STAG1: variants seen among roughly 807,000 people sequenced by gnomAD.
STAG1 encodes the protein cohesin subunit SA-1.
Under a neutral mutation model 170.9 loss-of-function variants are expected in STAG1, and 26 were observed. The ratio of observed to expected loss-of-function variants is 0.15; its 90% CI spans 0.11 to 0.21. STAG1 has a LOEUF of 0.21. STAG1 is among the 10% of genes least tolerant of loss of function. The pLI, the probability that STAG1 is intolerant of heterozygous loss-of-function variation, is 1.00. For synonymous variants in STAG1, 514 were observed against 497.7 expected, an observed-to-expected ratio of 1.03 and a Z score of -0.44; for missense variants, 964 against 1,509.5, an observed-to-expected ratio of 0.64 and a Z score of 5.99.
chr3:136,545,961 C>A (rs890186778), intron 5 of STAG1, among the ~76,000 whole-genome samples: 2 of 152,110 alleles, frequency 1.3e-5, no homozygotes, highest in Non-Finnish European at 2.9e-5. Flanking sequence ...CGTATTGGCA[C>A]ATAACATGTG....
intron 14 of STAG1, among the ~76,000 whole-genome samples, chr3:136,446,899 C>A (rs963463588): frequency 6.6e-6 from 1 of 151,844 alleles, no homozygotes; most frequent in Non-Finnish European, 1.5e-5. Context: ...CTCCTGCGTT[C>A]AAGCAATTCT....
At chr3:136,525,711 C>T (rs564046031) in intron 6 of STAG1, among the ~76,000 whole-genome samples, 241 of 152,220 alleles carry the variant, frequency 1.6e-3, no homozygotes, top group African/African-American at 5.6e-3. Flanking sequence ...TAGATCTTTC[C>T]TGCTTTCTCT....
rs183832581 is a variant in STAG1, at chr3:136,648,529, C to A, written c.-83-17548G>T. On this transcript the variant is annotated intron_variant, in intron 1 of 33. Coordinates refer to ENST00000383202, the MANE Select transcript of STAG1 (RefSeq NM_005862.3). ...TCAGGACATCCCACAAATTGAGCTT[C>A]TTTTCTAACAATCCTCTACCCTCTC... Among the ~76,000 whole-genome samples the A allele has an allele frequency of 4.6e-5, 7 of 152,330 alleles. No homozygotes were observed. In the East Asian group the frequency reaches 1.3e-3, roughly 29 times the overall value.
At chr3:136,459,232 AAAAAGAAAAG>A (rs1164361119) in intron 13 of STAG1, among the ~76,000 whole-genome samples, 9 of 151,834 alleles carry the variant, frequency 5.9e-5, no homozygotes, top group Non-Finnish European at 1.2e-4. Flanking sequence ...AAAAAAAAAA[AAAAAGAAAAG>A]AAAAGAAAAG....
At chr3:136,573,539 A>G (rs1937344098) in intron 4 of STAG1, among the ~76,000 whole-genome samples, 1 of 152,196 alleles carries the variant, frequency 6.6e-6, no homozygotes, top group Non-Finnish European at 1.5e-5. Context: ...GAAAGATGAA[A>G]AAGTCCATTC....
chr3:136,466,203 C>T (rs2089454140), intron 12 of STAG1, among the ~76,000 whole-genome samples: 1 of 152,150 alleles, frequency 6.6e-6, no homozygotes, highest in Admixed American at 6.6e-5. Context: ...TCAAACTTCT[C>T]TCAGCTAAAG....
intron 1 of STAG1, among the ~76,000 whole-genome samples, chr3:136,698,942 C>T (rs1160279970): frequency 1.3e-5 from 2 of 152,100 alleles, no homozygotes; most frequent in East Asian, 3.9e-4. Context: ...GGCCATTGTT[C>T]TAAGTGAAGT....
chr3:136,741,801 A>G (rs1409478070), intron 1 of STAG1, among the ~76,000 whole-genome samples: 1 of 152,144 alleles, frequency 6.6e-6, no homozygotes, highest in African/African-American at 2.4e-5. Context: ...TCGACTATAT[A>G]CTACCATCAA....
At chr3:136,721,042 A>T (rs1176645090) in intron 1 of STAG1, among the ~76,000 whole-genome samples, 2 of 152,222 alleles carry the variant, frequency 1.3e-5, no homozygotes, top group South Asian at 4.1e-4. Flanking sequence ...AATCCAAGTC[A>T]TTCTCCGAAT....
chr3:136,426,953 G>A (rs538534359), intron 16 of STAG1, among the ~76,000 whole-genome samples: 3 of 151,924 alleles, frequency 2.0e-5, no homozygotes, highest in Non-Finnish European at 4.4e-5. Context: ...ACAGTTACTT[G>A]TGAGGCTGAG....
chr3:136,721,505 A>C (rs1490644145), intron 1 of STAG1: 1 of 152,162 alleles, frequency 6.6e-6, no homozygotes, highest in African/African-American at 2.4e-5. Context: ...CTCTTTTTAC[A>C]TTATTTATCA....
chr3:136,694,172 T>A (rs1468695085), intron 1 of STAG1, among the ~76,000 whole-genome samples: 1 of 152,206 alleles, frequency 6.6e-6, no homozygotes, highest in Non-Finnish European at 1.5e-5. Flanking sequence ...GCTTTGAGGA[T>A]AACCCTATGT....
At chr3:136,692,311 C>T (rs1424174554) in intron 1 of STAG1, among the ~76,000 whole-genome samples, 2 of 58,272 alleles carry the variant, frequency 3.4e-5, no homozygotes, top group Non-Finnish European at 5.4e-5. Flanking sequence ...AAGACTCCAT[C>T]TCAAAAAAAA....
chr3:136,442,669 GAA>G (rs34137147), intron 15 of STAG1, among the ~76,000 whole-genome samples: 1 of 144,470 alleles, frequency 6.9e-6, no homozygotes, highest in East Asian at 1.9e-4. Context: ...TATAAATCAA[GAA>G]AAAAAAAATT....
At chr3:136,739,292 G>T (rs1020579331) in intron 1 of STAG1, among the ~76,000 whole-genome samples, 7 of 152,006 alleles carry the variant, frequency 4.6e-5, no homozygotes, top group Admixed American at 4.6e-4. Flanking sequence ...CCAAGGCTGG[G>T]GGACTGTTGA....
At chr3:136,355,377 A>AAT (rs1463551516) in intron 28 of STAG1, among the ~76,000 whole-genome samples, 5 of 150,376 alleles carry the variant, frequency 3.3e-5, no homozygotes, top group Non-Finnish European at 7.4e-5. Flanking sequence ...AAAAAAAAAA[A>AAT]AAGTATATAC....
chr3:136,580,506 T>C (rs915164492), intron 4 of STAG1, among the ~76,000 whole-genome samples: 1 of 151,358 alleles, frequency 6.6e-6, no homozygotes, highest in Non-Finnish European at 1.5e-5. Flanking sequence ...AGTTTGCATT[T>C]ATTCTTGTAT....
intron 5 of STAG1, among the ~76,000 whole-genome samples, chr3:136,551,670 T>C (rs1439197947): frequency 6.6e-6 from 1 of 151,846 alleles, no homozygotes; most frequent in Non-Finnish European, 1.5e-5. Flanking sequence ...TGAAGTGCAG[T>C]GGCAAAATCA....
intron 9 of STAG1, among the ~76,000 whole-genome samples, chr3:136,489,675 A>G (rs191484146): frequency 4.9e-4 from 75 of 152,364 alleles, no homozygotes; most frequent in Non-Finnish European, 3.2e-4. Context: ...CCAAAATAGA[A>G]TAATTATAGA....
Sources: gnomAD v4.1 joint callset for allele counts (sites outside exome capture counted in the v4.1 genomes callset) on GRCh38, gnomAD v4.1.1 for gene constraint, MANE v1.5 for transcripts, NCBI Gene and HGNC (gene_info 2026-07-23, HGNC 2026-07-21) for gene names.